The following CYP2C19 variants were observed in gnomAD, a reference collection of about 807,000 sequenced individuals.
CYP2C19 encodes the protein cytochrome P450 2C19.
Under a neutral mutation model 40.9 loss-of-function variants are expected in CYP2C19, and 59 were observed. The ratio of observed to expected loss-of-function variants is 1.44; its 90% CI spans 1.17 to 1.79. CYP2C19 has a LOEUF of 1.79. Ranked by LOEUF, CYP2C19 falls within the 40% of genes most tolerant of loss-of-function variation. CYP2C19 has a pLI of 0.00. For synonymous variants in CYP2C19, 253 were observed against 208.7 expected (o/e 1.21, Z -1.83); for missense variants, 754 against 596.9 (o/e 1.26, Z -2.74).
chr10:94,772,176 T>G (rs1397242404), intron 1 of CYP2C19, among the ~76,000 whole-genome samples: 1 of 152,148 alleles, frequency 6.6e-6, no homozygotes. Flanking sequence ...CTCATTTATA[T>G]GAACAGGAAG....
At chr10:94,839,833 T>C (rs1426066809) in intron 6 of CYP2C19, among the ~76,000 whole-genome samples, 1 of 152,208 alleles carries the variant, frequency 6.6e-6, no homozygotes, top group African/African-American at 2.4e-5. Context: ...CTATGTCTGG[T>C]CGGACTGTTG....
chr10:94,778,503 C>G (rs1276198417), intron 3 of CYP2C19, among the ~76,000 whole-genome samples: 2 of 152,006 alleles, frequency 1.3e-5, no homozygotes, highest in Non-Finnish European at 1.5e-5. Context: ...ATGTGGCCAA[C>G]AAACATATGA....
intron 5 of CYP2C19, among the ~76,000 whole-genome samples, chr10:94,799,302 C>A (rs554731947): frequency 2.0e-5 from 3 of 151,664 alleles, no homozygotes; most frequent in Non-Finnish European, 2.9e-5. Flanking sequence ...GTTGAAAATT[C>A]TTTTCTTTAA....
At chr10:94,842,347 C>A (rs1169776458) in intron 6 of CYP2C19, among the ~76,000 whole-genome samples, 1 of 144,678 alleles carries the variant, frequency 6.9e-6, no homozygotes, top group East Asian at 2.0e-4. Context: ...TGTACTGTCT[C>A]ATTCCATTCC....
chr10:94,842,900 G>C lies in CYP2C19; in HGVS notation c.1025G>C (p.Arg342Thr). 6.2e-7 allele frequency: 1 copy of C among 1,614,032 alleles called. No homozygotes were observed. The highest frequency in any genetic ancestry group is 8.5e-7 in the Non-Finnish European group (1 of 1,179,872). Residue 342 changes from arginine to threonine, a missense_variant, in exon 7 of 9, where the codon AGG becomes ACG. Physicochemically the swap from Arg to Thr is moderately conservative, Grantham distance 71 (BLOSUM62 -1). Coordinates refer to ENST00000371321, the MANE Select transcript of CYP2C19 (RefSeq NM_000769.4). ...AACCGGAGCCCCTGCATGCAGGACA[G>C]GGGCCACATGCCCTACACAGATGCT... is the stretch of plus-strand genomic sequence containing the variant. ...GRNRSPCMQD[R>T]GHMPYTDAVV...
chr10:94,828,343 G>A (rs1445406882), intron 6 of CYP2C19, among the ~76,000 whole-genome samples: 3 of 151,626 alleles, frequency 2.0e-5, no homozygotes, highest in Non-Finnish European at 4.4e-5. Flanking sequence ...GAATCTTGGT[G>A]CTCCTGTATT....
rs182288024 is a variant in CYP2C19, at chr10:94,767,743, T to C, written c.168+4870T>C. Among the ~76,000 whole-genome samples the C allele has an allele frequency of 1.3e-3, 196 of 152,278 alleles. 1 individual carries two copies. Among genetic ancestry groups the C allele is most frequent in the African/African-American group, 4.4e-3 (183 of 41,576 alleles). ...GAAAAGTTTGGAGGAGGGTTTTAAGTATTTTCCACTGGCTGGCTTCAGGTA... is the reference window on the plus strand; with the variant it reads ...GAAAAGTTTGGAGGAGGGTTTTAAGCATTTTCCACTGGCTGGCTTCAGGTA... On this transcript the variant is annotated intron_variant, in intron 1 of 8. Coordinates refer to ENST00000371321, the MANE Select transcript of CYP2C19 (RefSeq NM_000769.4).
chr10:94,850,795 C>G (rs77915808), intron 8 of CYP2C19, among the ~76,000 whole-genome samples: 2 of 152,112 alleles, frequency 1.3e-5, no homozygotes, highest in Admixed American at 1.3e-4. Flanking sequence ...AAACCTTTGC[C>G]AAATAACCAT....
chr10:94,850,110 G>T, intron 8 of CYP2C19, 52 bp downstream of exon 8: 3 of 1,602,028 alleles, frequency 1.9e-6, no homozygotes, highest in South Asian at 2.2e-5. Context: ...TAACTTTTTT[G>T]ATCAGTTGGA....
At chr10:94,816,581 T>C (rs544433206) in intron 5 of CYP2C19, among the ~76,000 whole-genome samples, 23 of 140,514 alleles carry the variant, frequency 1.6e-4, no homozygotes, top group Admixed American at 2.8e-4. Flanking sequence ...GTCTCTTTCT[T>C]TTTTTTTTTA....
At chr10:94,804,205 C>A (rs921180635) in intron 5 of CYP2C19, among the ~76,000 whole-genome samples, 1 of 152,100 alleles carries the variant, frequency 6.6e-6, no homozygotes, top group East Asian at 1.9e-4. Context: ...CACATGCAGA[C>A]CATTTCCAGG....
intron 5 of CYP2C19, among the ~76,000 whole-genome samples, chr10:94,815,447 C>T (rs764142139): frequency 1.2e-4 from 18 of 152,180 alleles, no homozygotes; most frequent in South Asian, 2.1e-4. Flanking sequence ...AAACTTTCCC[C>T]TTATTGTTGT....
chr10:94,792,218 G>A (rs2134246603), intron 5 of CYP2C19, among the ~76,000 whole-genome samples: 1 of 152,230 alleles, frequency 6.6e-6, no homozygotes, highest in Admixed American at 6.5e-5. Flanking sequence ...TTACTTGGTA[G>A]ATCTTCCTCC....
chr10:94,827,011 C>G (rs564070775), intron 6 of CYP2C19, among the ~76,000 whole-genome samples: 139 of 152,192 alleles, frequency 9.1e-4, no homozygotes, highest in African/African-American at 2.7e-3. Context: ...AGGGATGAAG[C>G]CCACTCGATC....
intron 5 of CYP2C19, among the ~76,000 whole-genome samples, chr10:94,812,173 TC>T (rs772547901): frequency 2.0e-5 from 3 of 152,200 alleles, no homozygotes; most frequent in Non-Finnish European, 4.4e-5. Flanking sequence ...GGTTGAAAAT[TC>T]TTTTCTTTAA....
intron 6 of CYP2C19, among the ~76,000 whole-genome samples, chr10:94,836,145 T>C (rs1849400100): frequency 6.6e-6 from 1 of 152,236 alleles, no homozygotes; most frequent in Non-Finnish European, 1.5e-5. Context: ...GATATTTAAG[T>C]AAGTGGTTGT....
intron 3 of CYP2C19, 33 bp from the exon 4 acceptor site, chr10:94,780,466 A>C: frequency 6.2e-7 from 1 of 1,609,394 alleles, no homozygotes; most frequent in South Asian, 1.1e-5. Context: ...TCTAATGTTT[A>C]CTCATATTTT....
chr10:94,829,910 T>A (rs1050997531), intron 6 of CYP2C19, among the ~76,000 whole-genome samples: 19 of 152,280 alleles, frequency 1.2e-4, no homozygotes, highest in African/African-American at 4.1e-4. Context: ...TGGAATAACC[T>A]GCCGTGTGAG....
At chr10:94,842,392 AGT>A (rs1491300793) in intron 6 of CYP2C19, among the ~76,000 whole-genome samples, 1 of 79,096 alleles carries the variant, frequency 1.3e-5, no homozygotes, top group Admixed American at 1.5e-4. Context: ...TTTTAAGTGA[AGT>A]TTTTTTTTTT....
Sources: gnomAD v4.1 joint callset for allele counts (sites outside exome capture counted in the v4.1 genomes callset) on GRCh38, gnomAD v4.1.1 for gene constraint, MANE v1.5 for transcripts, NCBI Gene and HGNC (gene_info 2026-07-23, HGNC 2026-07-21) for gene names.